RANBP2: variants seen among roughly 807,000 people sequenced by gnomAD.
RANBP2 encodes the protein E3 SUMO-protein ligase RanBP2.
A neutral mutation model predicts 303.6 loss-of-function variants in RANBP2; 57 were observed. The ratio of observed to expected loss-of-function variants is 0.19; its 90% CI spans 0.15 to 0.23. The LOEUF (loss-of-function observed/expected upper bound fraction) is 0.23. RANBP2 is among the 10% of genes least tolerant of loss of function. RANBP2 has a pLI of 1.00. For synonymous variants in RANBP2, 1,167 were observed against 1,301.5 expected, an observed-to-expected ratio of 0.90 and a Z score of 2.23; for missense variants, 3,138 against 3,780.8, an observed-to-expected ratio of 0.83 and a Z score of 4.46.
At chr2:109,114,310 G>T in the RANBP2 span, among the ~76,000 whole-genome samples, 1 of 152,150 alleles carries the variant, frequency 6.6e-6, no homozygotes, top group East Asian at 1.9e-4. Context: ...CAATTTCAGA[G>T]CCTGTTATTG....
chr2:109,599,586 C>T, the RANBP2 span, among the ~76,000 whole-genome samples: 1 of 152,084 alleles, frequency 6.6e-6, no homozygotes, highest in African/African-American at 2.4e-5. Context: ...TACAGCAAGG[C>T]TTAGGGTTGT....
At chr2:109,012,905 C>T in the RANBP2 span, among the ~76,000 whole-genome samples, 3 of 152,158 alleles carry the variant, frequency 2.0e-5, no homozygotes, top group African/African-American at 4.8e-5. Flanking sequence ...CAGAGCGAGA[C>T]TCCATCTCAG....
chr2:108,753,020 A>G lies in RANBP2; in HGVS notation c.1778A>G (p.Tyr593Cys). 6.2e-7 allele frequency: 1 copy of G among 1,609,126 alleles called. No individual in the cohort carries two copies. The highest frequency in any genetic ancestry group is 8.5e-7 in the Non-Finnish European group (1 of 1,178,906). ...QKTGSGLNSF[Y>C]DQREYIGRSV... ...TAGGGCAGCGGTCTTAATTCTTTTT[A>G]TGATCAACGAGAATACATAGGGAGA... The change falls in exon 13 of 29, where the codon TAT becomes TGT. Residue 593 changes from tyrosine (Y) to cysteine (C), a missense_variant. By Grantham distance (194) the Tyr-to-Cys change is radical. Coordinates refer to ENST00000283195, the MANE Select transcript of RANBP2 (RefSeq NM_006267.5).
the RANBP2 span, among the ~76,000 whole-genome samples, chr2:109,299,113 G>C: frequency 3.3e-5 from 5 of 152,298 alleles, no homozygotes; most frequent in South Asian, 1.0e-3. Context: ...GGCATTTGCA[G>C]ATGAGGCCCC....
Position 108,751,669 on chromosome 2 carries a change from G to C in RANBP2, c.1597G>C (p.Asp533His). Residue 533 changes from aspartate to histidine, a missense_variant, in exon 11 of 29, where the codon GAT (aspartate) becomes CAT (histidine). Asp to His is a moderately conservative substitution (Grantham distance 81). Coordinates refer to ENST00000283195, the MANE Select transcript of RANBP2 (RefSeq NM_006267.5). Reference sequence around the variant, plus strand: ...TACAGAAAGACAAAAATCTTGGTGGGATGCGGTTTGTACTCTGATTCACAG... The same window carrying C: ...TACAGAAAGACAAAAATCTTGGTGGCATGCGGTTTGTACTCTGATTCACAG... ...LCTERQKSWWDAVCTLIHRKA... is the reference protein window; with the variant it reads ...LCTERQKSWWHAVCTLIHRKA... 3 of 1,611,216 alleles carry C rather than the reference G, an allele frequency of 1.9e-6. No individual in the cohort carries two copies. The highest frequency in any genetic ancestry group is 2.5e-6 in the Non-Finnish European group (3 of 1,179,482).
chr2:109,097,953 G>A, the RANBP2 span, among the ~76,000 whole-genome samples: 1 of 152,148 alleles, frequency 6.6e-6, no homozygotes, highest in African/African-American at 2.4e-5. Context: ...GGCTGCAGTA[G>A]GGCTTCACCA....
the RANBP2 span, among the ~76,000 whole-genome samples, chr2:109,521,598 G>A: frequency 6.6e-6 from 1 of 152,208 alleles, no homozygotes; most frequent in Non-Finnish European, 1.5e-5. Flanking sequence ...TTTCACTGAA[G>A]TCTATTCTAT....
At chr2:108,990,475 G>A in the RANBP2 span, among the ~76,000 whole-genome samples, 23 of 150,458 alleles carry the variant, frequency 1.5e-4, no homozygotes, top group East Asian at 2.8e-3. Flanking sequence ...AAAATTAGCC[G>A]GTGGTGGCAT....
chr2:109,569,975 T>C, the RANBP2 span, among the ~76,000 whole-genome samples: 2 of 152,026 alleles, frequency 1.3e-5, no homozygotes, highest in African/African-American at 2.4e-5. Flanking sequence ...CTCATCTTTA[T>C]GTAGTGCCCT....
At chr2:109,472,976 A>G in the RANBP2 span, among the ~76,000 whole-genome samples, 2 of 152,160 alleles carry the variant, frequency 1.3e-5, no homozygotes, top group African/African-American at 2.4e-5. Flanking sequence ...TATAAATTCT[A>G]CCCGACTCGT....
At chr2:109,154,778 T>C in the RANBP2 span, among the ~76,000 whole-genome samples, 1 of 152,108 alleles carries the variant, frequency 6.6e-6, no homozygotes, top group Non-Finnish European at 1.5e-5. Context: ...AGTGTATGTG[T>C]TTTTGGAGAC....
chr2:109,430,226 G>A, the RANBP2 span, among the ~76,000 whole-genome samples: 23 of 152,342 alleles, frequency 1.5e-4, no homozygotes, highest in African/African-American at 5.3e-4. Context: ...TGCGCATTCT[G>A]CATGTGGCCA....
the RANBP2 span, among the ~76,000 whole-genome samples, chr2:109,662,720 A>G: frequency 4.6e-5 from 7 of 152,110 alleles, no homozygotes; most frequent in African/African-American, 1.7e-4. Flanking sequence ...CTCACCCTCT[A>G]TATTTCATAG....
At chr2:109,248,285 T>C in the RANBP2 span, among the ~76,000 whole-genome samples, 1 of 152,248 alleles carries the variant, frequency 6.6e-6, no homozygotes, top group African/African-American at 2.4e-5. Context: ...TCTGATGTGC[T>C]CATTTTGGCT....
the RANBP2 span, among the ~76,000 whole-genome samples, chr2:109,333,638 C>T: frequency 1.3e-5 from 2 of 152,290 alleles, no homozygotes; most frequent in Admixed American, 1.3e-4. Context: ...GCCTGCAAAG[C>T]CACCTTGCTC....
chr2:108,928,883 C>A, the RANBP2 span, among the ~76,000 whole-genome samples: 1 of 152,302 alleles, frequency 6.6e-6, no homozygotes, highest in East Asian at 1.9e-4. Context: ...TTCTTTTTCC[C>A]AAAGTGTTTC....
At chr2:109,526,471 CTTAT>C in the RANBP2 span, among the ~76,000 whole-genome samples, 1 of 152,198 alleles carries the variant, frequency 6.6e-6, no homozygotes, top group African/African-American at 2.4e-5. Flanking sequence ...GCCACCATGC[CTTAT>C]TTATTTTTGT....
the RANBP2 span, among the ~76,000 whole-genome samples, chr2:108,979,352 A>ACCCTGGGCTGC: frequency 6.6e-6 from 1 of 151,782 alleles, no homozygotes; most frequent in East Asian, 1.9e-4. Flanking sequence ...GCTGGGGCTG[A>ACCCTGGGCTGC]CCCTGGGCTG....
Position 108,781,340 on chromosome 2 carries a change from G to A in RANBP2, c.8671G>A (p.Gly2891Ser), listed in dbSNP as rs376940698. The change falls in exon 26 of 29, where the codon GGT (glycine) becomes AGT (serine). Residue 2891 changes from glycine to serine, a missense_variant. By Grantham distance (56) the Gly-to-Ser change is moderately conservative. Coordinates refer to ENST00000283195, the MANE Select transcript of RANBP2 (RefSeq NM_006267.5). The stretch of plus-strand genomic sequence containing the variant: ...ACAGTCAGTCGGAACCCAGTCAGCC[G>A]GTAAAGTTGGTGAAGATGAAGATGG... ...GTQSVGTQSA[G>S]KVGEDEDGSD... 840 of 1,614,152 alleles carry A rather than the reference G, an allele frequency of 5.2e-4. 14 individuals carry two copies. The South Asian group carries it at 7.0e-3, about 13-fold the overall frequency.
Sources: allele counts gnomAD v4.1 joint callset (sites outside exome capture counted in the v4.1 genomes callset), GRCh38; gene constraint gnomAD v4.1.1; transcripts MANE v1.5; gene names NCBI Gene and HGNC (gene_info 2026-07-23, HGNC 2026-07-21).